Variants in USP35 observed in about 807,000 individuals in gnomAD.
USP35 encodes the protein ubiquitin carboxyl-terminal hydrolase 35.
A neutral mutation model predicts 83.8 loss-of-function variants in USP35; 69 were observed. The ratio of observed to expected loss-of-function variants is 0.82; its 90% CI spans 0.68 to 1.01. The LOEUF is 1.01. Among genes scored for constraint, USP35 ranks in the 50% least tolerant of loss-of-function variants. The probability of loss-of-function intolerance (pLI) is 0.00; values close to 1 mark genes in which losing one functional copy is unlikely to be tolerated. For synonymous variants in USP35, 714 were observed against 589.5 expected (o/e 1.21, Z -3.06); for missense variants, 1,503 against 1,362.5 (o/e 1.10, Z -1.62).
intron 1 of USP35, among the ~76,000 whole-genome samples, chr11:78,193,100 T>C (rs1863049086): frequency 9.9e-5 from 15 of 152,212 alleles, no homozygotes; most frequent in Admixed American, 9.8e-4. Flanking sequence ...GAGGATGGAC[T>C]GTTTGTGTGG....
intron 1 of USP35, among the ~76,000 whole-genome samples, chr11:78,190,958 G>A (rs1418174456): frequency 1.3e-5 from 2 of 152,176 alleles, no homozygotes; most frequent in South Asian, 2.1e-4. Context: ...TTGCATGTCC[G>A]GCTCAGGAGT....
At chr11:78,225,057 C>A in the USP35 span, 1 of 1,185,262 alleles carries the variant, frequency 8.4e-7, no homozygotes, top group South Asian at 1.2e-5. Flanking sequence ...AAGGTGTGAC[C>A]TTTTACCTAA....
At chr11:78,207,504 C>T (rs756448695) in intron 7 of USP35, 26 bp from the exon 8 acceptor site, 2 of 1,612,374 alleles carry the variant, frequency 1.2e-6, no homozygotes, top group Non-Finnish European at 1.7e-6. Flanking sequence ...ATGGCTTACC[C>T]TGGGTGCCCC....
the USP35 span, among the ~76,000 whole-genome samples, chr11:78,232,096 T>G: frequency 6.6e-6 from 1 of 152,252 alleles, no homozygotes; most frequent in South Asian, 2.1e-4. Context: ...AAGCTGTATA[T>G]GTGAAACTAA....
chr11:78,190,529 C>T (rs1193541851), intron 1 of USP35, among the ~76,000 whole-genome samples: 1 of 152,208 alleles, frequency 6.6e-6, no homozygotes, highest in Non-Finnish European at 1.5e-5. Flanking sequence ...CTTGACGCAC[C>T]TTCACGGACA....
At position 78,196,516 on chromosome 11, in the gene USP35, G is replaced by C. The variant is rs1304589016; in HGVS notation, c.271G>C (p.Gly91Arg). Reference sequence around the variant, plus strand: ...GCGTCGCGTGCTGCGCCTGCTGCAGGGTGGCGCCGGCCCCCCGGGCCCCCG... The same window carrying C: ...GCGTCGCGTGCTGCGCCTGCTGCAGCGTGGCGCCGGCCCCCCGGGCCCCCG... ...SARRVLRLLQ[G>R]GAGPPGPRAL... Residue 91 changes from glycine (G) to arginine (R), a missense_variant, in exon 2 of 11, where the codon GGT (glycine) becomes CGT (arginine). Physicochemically the swap from Gly to Arg is moderately radical, Grantham distance 125. Transcript: ENST00000529308. The surrounding 1 kb of genome is among the most constrained non-coding windows in gnomAD (Gnocchi z 4.8). 5 of 1,226,008 alleles carry C rather than the reference G, an allele frequency of 4.1e-6. No homozygotes were observed. The East Asian group carries it at 2.0e-4, about 50-fold the overall frequency. 75.9% of individuals were successfully genotyped at this position (1,226,008 alleles called of 1,614,324 possible). A position where few individuals can be genotyped will look rare whatever the true frequency, so the allele number is the denominator to read the frequency against.
rs1183478941 is a variant in USP35 at position 78,209,460 on chromosome 11, G to GGA, written c.1608_1609dup (p.Lys537ArgfsTer39). 4 of 1,606,214 alleles carry GGA rather than the reference G, an allele frequency of 2.5e-6. No homozygotes were observed. The highest frequency in any genetic ancestry group is 3.4e-6 in the Non-Finnish European group (4 of 1,175,392). ...CTCTCTGCCCCAGGCTGCACGAAGA[G>GGA]GAGAAAACGGGCACAAGGATCTGCC... On this transcript the variant is annotated frameshift_variant, in exon 10 of 11. Transcript: ENST00000529308. LOFTEE classifies it high-confidence loss of function.
chr11:78,206,066 C>G (rs1276821177), intron 7 of USP35, 31 bp downstream of exon 7: 2 of 1,594,904 alleles, frequency 1.3e-6, no homozygotes, highest in Non-Finnish European at 1.7e-6. Context: ...CCCTGTCTGC[C>G]CTTGCTTCTC....
chr11:78,220,423 G>A, the USP35 span: 2 of 1,585,802 alleles, frequency 1.3e-6, no homozygotes, highest in Non-Finnish European at 1.7e-6. Context: ...CTGGGAACGG[G>A]AGATGCAGAC....
Position 78,210,745 on chromosome 11 carries a change from GTGAGCTGAGCCGTGGGGCCTT to G in USP35, c.2889+5_2889+25del. The G allele has an allele frequency of 1.3e-6, 2 of 1,539,854 alleles. No individual in the cohort carries two copies. The highest frequency in any genetic ancestry group is 1.7e-6 in the Non-Finnish European group (2 of 1,143,102). ...CAAAGACAACATCCTTTACCTACAG[GTGAGCTGAGCCGTGGGGCCTT>G]TGATCTGATCTCTTGGTGGAGGGAG... On this transcript the variant is annotated splice_donor_variant and splice_donor_5th_base_variant and intron_variant, in intron 10 of 10. Transcript: ENST00000529308. LOFTEE classifies it high-confidence loss of function.
At chr11:78,200,621 C>T in intron 5 of USP35, 29 bp from the exon 6 acceptor site, 2 of 1,585,360 alleles carry the variant, frequency 1.3e-6, no homozygotes, top group Non-Finnish European at 1.7e-6. Flanking sequence ...CGGGTTGGTG[C>T]TGAGCCTGAC....
At chr11:78,205,791 G>T in intron 6 of USP35, 51 bp from the exon 7 acceptor site, 8 of 1,558,428 alleles carry the variant, frequency 5.1e-6, no homozygotes, top group Non-Finnish European at 7.0e-6. Context: ...GTAGTTTTTT[G>T]AGCTGACCCT....
chr11:78,189,613 C>G (rs76146924), intron 1 of USP35, among the ~76,000 whole-genome samples: 2,368 of 152,242 alleles, frequency 0.016, 62 homozygotes, highest in African/African-American at 0.046. Flanking sequence ...CCCTTGCAAA[C>G]CGGAGACCCT....
the USP35 span, among the ~76,000 whole-genome samples, chr11:78,236,447 G>T: frequency 6.6e-6 from 1 of 152,004 alleles, no homozygotes; most frequent in African/African-American, 2.4e-5. Flanking sequence ...CACCACACCA[G>T]GACTCTTATT....
intron 1 of USP35, among the ~76,000 whole-genome samples, chr11:78,194,960 A>T (rs762492401): frequency 1.2e-4 from 19 of 152,216 alleles, no homozygotes; most frequent in Non-Finnish European, 2.6e-4. Flanking sequence ...CAGGGAGCTC[A>T]GGTGAGGCTT....
At chr11:78,223,358 GAA>G in the USP35 span, 146 of 1,413,616 alleles carry the variant, frequency 1.0e-4, no homozygotes, top group African/African-American at 1.9e-3. Flanking sequence ...TAAGCAAATG[GAA>G]AGAGTCCCTA....
At chr11:78,230,427 C>G in the USP35 span, among the ~76,000 whole-genome samples, 11 of 152,362 alleles carry the variant, frequency 7.2e-5, no homozygotes, top group Middle Eastern at 3.4e-3. Context: ...CCACAAGAAG[C>G]CTTTTCACTC....
At chr11:78,209,318 GGTGTGTGCAT>G in intron 9 of USP35, 120 bp from the exon 10 acceptor site, 1 of 972,540 alleles carries the variant, frequency 1.0e-6, no homozygotes, top group Non-Finnish European at 1.5e-6. Flanking sequence ...GTGGGTGTTT[GGTGTGTGCAT>G]GTGTGTTTGT....
chr11:78,225,011 G>A, the USP35 span: 15 of 743,606 alleles, frequency 2.0e-5, no homozygotes, highest in East Asian at 4.9e-5. Flanking sequence ...AGATGGAGAC[G>A]CCATCAATCT....
Sources: gnomAD v4.1 joint callset for allele counts (sites outside exome capture counted in the v4.1 genomes callset) on GRCh38, gnomAD v4.1.1 for gene constraint, Gnocchi (gnomAD v3.1) non-coding constraint, MANE v1.5 for transcripts, NCBI Gene and HGNC (gene_info 2026-07-23, HGNC 2026-07-21) for gene names.